The following MAST1 variants were observed in gnomAD, a reference collection of about 807,000 sequenced individuals.
MAST1 encodes the protein microtubule-associated serine/threonine-protein kinase 1.
In MAST1, 40 loss-of-function variants were observed where a neutral mutation model predicts 124.6. The ratio of observed to expected loss-of-function variants is 0.32; its 90% CI spans 0.25 to 0.42. MAST1 has a LOEUF of 0.42. Ranked by LOEUF, MAST1 falls within the 10% of genes least tolerant of loss-of-function variation. The pLI is 1.00. For missense variants in MAST1, 1,558 were observed against 2,181.9 expected, an observed-to-expected ratio of 0.71 and a Z score of 5.70; for synonymous variants, 938 against 939.4, an observed-to-expected ratio of 1.00 and a Z score of 0.03.
intron 10 of MAST1, among the ~76,000 whole-genome samples, chr19:12,852,785 A>G (rs1969978253): frequency 6.6e-6 from 1 of 151,806 alleles, no homozygotes; most frequent in Non-Finnish European, 1.5e-5. Flanking sequence ...GGAGGCAGAG[A>G]TTGCTGTGAA....
Position 12,867,808 on chromosome 19 carries a change from G to A in MAST1, c.2397G>A (p.Ser799=). The A allele has an allele frequency of 6.3e-7, 1 of 1,579,866 alleles. No individual in the cohort carries two copies. Among genetic ancestry groups the A allele is most frequent in the Non-Finnish European group, 8.6e-7 (1 of 1,164,446 alleles). Residue 799 remains serine (S), a synonymous_variant, in exon 20 of 26, where the codon TCG becomes TCA. Coordinates refer to ENST00000251472, the MANE Select transcript of MAST1 (RefSeq NM_014975.3). The part of the protein sequence containing the change: ...SPPLGARRRF[S]ALLEPSRFSA... Reference sequence around the variant, plus strand: ...CTTTGGGCGCCCGCCGCCGTTTCTCGGCGCTGCTGGAGCCCAGCCGCTTCA... The same window carrying A: ...CTTTGGGCGCCCGCCGCCGTTTCTCAGCGCTGCTGGAGCCCAGCCGCTTCA...
intron 24 of MAST1, among the ~76,000 whole-genome samples, chr19:12,871,598 C>T (rs1299487701): frequency 6.6e-6 from 1 of 151,648 alleles, no homozygotes; most frequent in African/African-American, 2.4e-5. Context: ...CAGAGTGAGA[C>T]TCCATCTCAA....
rs539173879 is a variant in MAST1 at position 12,845,980 on chromosome 19, G to A, written c.328-1310G>A. On this transcript the variant is annotated intron_variant, in intron 4 of 25. Transcript: ENST00000251472. Reference sequence around the variant, plus strand: ...TGCCCTCAGTCCCAGAACTTTGAGAGGCCAAAGTGGGAGTATTGCTTGAAG... The same window carrying A: ...TGCCCTCAGTCCCAGAACTTTGAGAAGCCAAAGTGGGAGTATTGCTTGAAG... Among the ~76,000 whole-genome samples the A allele has an allele frequency of 3.3e-5, 5 of 151,416 alleles. No homozygotes were observed. The South Asian group carries it at 6.3e-4, about 19-fold the overall frequency.
chr19:12,874,593 G>T lies in MAST1; in HGVS notation c.4436G>T (p.Arg1479Leu). The T allele has an allele frequency of 1.3e-6, 2 of 1,509,376 alleles. No individual in the cohort carries two copies. The allele number at this position is 1,509,376 out of a possible 1,614,324, so 93.5% of individuals were successfully genotyped here. Residue 1479 changes from arginine (R) to leucine (L), a missense_variant, in exon 26 of 26, where the codon CGC (arginine) becomes CTC (leucine). By Grantham distance (102) the Arg-to-Leu change is moderately radical. Transcript: ENST00000251472. This position sits in a 1 kb window ranked among gnomAD's most constrained non-coding sequence, Gnocchi z 6.6. ...SVPEAPRGRERWVLEVVEERT... is the reference protein window; with the variant it reads ...SVPEAPRGRELWVLEVVEERT... The stretch of plus-strand genomic sequence containing the variant: ...CCCGAGGCCCCCCGGGGCCGGGAGC[G>T]CTGGGTGTTGGAGGTGGTGGAGGAG...
Position 12,873,490 on chromosome 19 carries a change from A to C in MAST1, c.3430A>C (p.Thr1144Pro), listed in dbSNP as rs1395018285. 6.2e-7 allele frequency: 1 copy of C among 1,605,926 alleles called. No individual in the cohort carries two copies. Among genetic ancestry groups the C allele is most frequent in the Non-Finnish European group, 8.5e-7 (1 of 1,178,396 alleles). ...ARSPTHSYRS[T>P]PDSAYLGASS... is the part of the protein sequence containing the mutation. ...CTCGCCCACGCACAGCTACCGCTCCACGCCTGACTCCGCCTACCTAGGTAT... is the reference window on the plus strand; with the variant it reads ...CTCGCCCACGCACAGCTACCGCTCCCCGCCTGACTCCGCCTACCTAGGTAT... Residue 1144 changes from threonine to proline, a missense_variant, in exon 25 of 26, where the codon ACG becomes CCG. This residue lies in a region of MAST1 where 291 missense variants were observed against 475.8 expected (regional missense o/e 0.61). Transcript: ENST00000251472.
intron 12 of MAST1, among the ~76,000 whole-genome samples, chr19:12,863,158 C>CAA (rs749539925): frequency 0.015 from 604 of 40,616 alleles, 2 homozygotes; most frequent in Non-Finnish European, 0.02. Flanking sequence ...GACTCTGACT[C>CAA]AAAAAAAAAA....
intron 25 of MAST1, 34 bp downstream of exon 25, chr19:12,873,545 A>C (rs905519485): frequency 6.3e-7 from 1 of 1,586,044 alleles, no homozygotes; most frequent in Non-Finnish European, 8.6e-7. Context: ...GGGACCGAGC[A>C]GCGCGGGGTG....
At position 12,873,820 on chromosome 19, in the gene MAST1, G is replaced by T; in HGVS notation, c.3663G>T (p.Leu1221=). 1 of 1,594,314 alleles carries T rather than the reference G, an allele frequency of 6.3e-7. No individual in the cohort carries two copies. Among genetic ancestry groups the T allele is most frequent in the Admixed American group, 1.7e-5 (1 of 58,970 alleles). The part of the protein sequence containing the change: ...PSPTQASPPP[L]PGHTVGSSHT... ...CCACGCAGGCGTCACCGCCGCCACT[G>T]CCGGGCCACACGGTGGGCAGCTCGC... The change falls in exon 26 of 26, where the codon CTG becomes CTT. Residue 1221 remains leucine, a synonymous_variant. Transcript: ENST00000251472.
chr19:12,862,962 C>T (rs180769281), intron 12 of MAST1, among the ~76,000 whole-genome samples: 5 of 151,642 alleles, frequency 3.3e-5, no homozygotes, highest in South Asian at 2.1e-4. Context: ...CCACTGTGCC[C>T]GGCCAATGAA....
rs1397489405 is a variant in MAST1 at position 12,843,409 on chromosome 19, G to A, written c.249-120G>A. Reference sequence around the variant, plus strand: ...ATTCTGAGGGCCTTGAGGAATCTTAGAGTGCAGATATATTCCCCCAACCCC... The same window carrying A: ...ATTCTGAGGGCCTTGAGGAATCTTAAAGTGCAGATATATTCCCCCAACCCC... On this transcript the variant is annotated intron_variant, in intron 3 of 25. Transcript: ENST00000251472. This position sits in a 1 kb window ranked among gnomAD's most constrained non-coding sequence, Gnocchi z 4.9. 1.4e-5 allele frequency: 9 copies of A among 658,714 alleles called. No homozygotes were observed. Among genetic ancestry groups the A allele is most frequent in the Non-Finnish European group, 1.8e-5 (7 of 380,406 alleles). 40.8% of individuals were successfully genotyped at this position (658,714 alleles called of 1,614,324 possible).
Position 12,864,900 on chromosome 19 carries a change from G to A in MAST1, c.1458G>A (p.Glu486=). 1 of 1,614,130 alleles carries A rather than the reference G, an allele frequency of 6.2e-7. No homozygotes were observed. ...MYFAETVLAL[E]YLHNYGIVHR... ...TTGCTGAGACGGTGCTAGCCCTGGA[G>A]TATTTGCACAACTATGGCATCGTGC... The change falls in exon 13 of 26, where the codon GAG becomes GAA. Residue 486 remains glutamate, a synonymous_variant. Transcript: ENST00000251472.
At chr19:12,840,704 C>T (rs753727572) in intron 2 of MAST1, among the ~76,000 whole-genome samples, 170 bp downstream of exon 2, 1 of 151,346 alleles carries the variant, frequency 6.6e-6, no homozygotes, top group Non-Finnish European at 1.5e-5. Context: ...CGCAGAGGGA[C>T]GGTCATTGGG....
At chr19:12,842,066 A>T (rs1490880706) in intron 3 of MAST1, among the ~76,000 whole-genome samples, 1 of 152,038 alleles carries the variant, frequency 6.6e-6, no homozygotes, top group Non-Finnish European at 1.5e-5. Context: ...TGTGATTGTC[A>T]CTGTGTGAGG....
chr19:12,868,025 C>A, intron 20 of MAST1, 48 bp downstream of exon 20: 7 of 1,507,670 alleles, frequency 4.6e-6, no homozygotes, highest in Non-Finnish European at 6.2e-6. Context: ...CAATGTCCTA[C>A]TGGTCATATA....
intron 12 of MAST1, among the ~76,000 whole-genome samples, chr19:12,861,161 C>T (rs2145903745): frequency 6.6e-6 from 1 of 152,164 alleles, no homozygotes; most frequent in East Asian, 1.9e-4. Flanking sequence ...CTCCCAGGCT[C>T]AAGGATTCTC....
intron 10 of MAST1, 31 bp downstream of exon 10, chr19:12,852,426 C>T (rs751441028): frequency 1.3e-6 from 2 of 1,553,384 alleles, no homozygotes; most frequent in East Asian, 4.6e-5. Context: ...GGTCAGTACC[C>T]TGGTTCCTGG....
Position 12,849,549 on chromosome 19 carries a change from A to G in MAST1, c.774+1492A>G, listed in dbSNP as rs1262999023. ...CTTGGTGGCACGTGCCTGTAATCCC[A>G]GCTACTCAGGAGGCTGAAGCAGGAG... On this transcript the variant is annotated intron_variant, in intron 7 of 25. Coordinates refer to ENST00000251472, the MANE Select transcript of MAST1 (RefSeq NM_014975.3). 2.0e-5 allele frequency among the ~76,000 whole-genome samples: 3 copies of G among 152,090 alleles called. No individual in the cohort carries two copies. The East Asian group carries it at 5.9e-4, about 30-fold the overall frequency.
rs1599575051 is a variant in MAST1 at position 12,841,094 on chromosome 19, A to G, written c.248+28A>G. On this transcript the variant is annotated intron_variant, in intron 3 of 25. Transcript: ENST00000251472. The surrounding 1 kb of genome is among the most constrained non-coding windows in gnomAD (Gnocchi z 4.3). Reference sequence around the variant, plus strand: ...GAGTCCCTCCCCTCCAGGGCCCCAGAACCCTGGGCAGACCCTCCCCAACCA... The same window carrying G: ...GAGTCCCTCCCCTCCAGGGCCCCAGGACCCTGGGCAGACCCTCCCCAACCA... 4.5e-6 allele frequency: 5 copies of G among 1,115,512 alleles called. No homozygotes were observed. Among genetic ancestry groups the G allele is most frequent in the African/African-American group, 1.5e-5 (1 of 65,506 alleles). 69.1% of individuals were successfully genotyped at this position (1,115,512 alleles called of 1,614,324 possible).
intron 10 of MAST1, among the ~76,000 whole-genome samples, chr19:12,857,624 G>A (rs2145900287): frequency 6.6e-6 from 1 of 152,174 alleles, no homozygotes; most frequent in East Asian, 1.9e-4. Flanking sequence ...GTGTTAGCCA[G>A]GATGGTCTCG....
Sources: allele counts gnomAD v4.1 joint callset (sites outside exome capture counted in the v4.1 genomes callset), GRCh38; gene constraint gnomAD v4.1.1; regional missense constraint gnomAD v4.1.1; non-coding constraint Gnocchi (gnomAD v3.1); transcripts MANE v1.5; gene names NCBI Gene and HGNC (gene_info 2026-07-23, HGNC 2026-07-21).